The following TFCP2L1 variants were observed in gnomAD, a reference collection of about 807,000 sequenced individuals.
TFCP2L1 encodes transcription factor CP2-like protein 1.
In TFCP2L1, 12 loss-of-function variants were observed where a neutral mutation model predicts 72.2. That is an observed-to-expected ratio of 0.17 (90% CI 0.11 to 0.27). TFCP2L1 has a LOEUF of 0.27. Among genes scored for constraint, TFCP2L1 ranks in the 10% least tolerant of loss-of-function variants. TFCP2L1 has a pLI of 1.00. For missense variants in TFCP2L1, 488 were observed against 624.6 expected (o/e 0.78, Z 2.33); for synonymous variants, 260 against 251.0 (o/e 1.04, Z -0.34).
chr2:121,248,964 C>G lies in TFCP2L1; in HGVS notation c.397+18G>C, dbSNP rs775134225. 5 of 1,559,432 alleles carry G rather than the reference C, an allele frequency of 3.2e-6. No individual in the cohort carries two copies. Among genetic ancestry groups the G allele is most frequent in the Non-Finnish European group, 4.3e-6 (5 of 1,152,686 alleles). Reference sequence around the variant, plus strand: ...GTGCCTCGAGCCTTGCCTGGCCTCTCCTGGCCAGGAGACTCACCGATGTCC... The same window carrying G: ...GTGCCTCGAGCCTTGCCTGGCCTCTGCTGGCCAGGAGACTCACCGATGTCC... On this transcript the variant is annotated intron_variant, in intron 4 of 14. Coordinates refer to ENST00000263707, the MANE Select transcript of TFCP2L1 (RefSeq NM_014553.3).
At chr2:121,251,872 G>C (rs981462565) in intron 2 of TFCP2L1, among the ~76,000 whole-genome samples, 1 of 152,092 alleles carries the variant, frequency 6.6e-6, no homozygotes, top group African/African-American at 2.4e-5. Context: ...TACTCAATAA[G>C]GAAGAACTTT....
chr2:121,239,545 A>T lies in TFCP2L1; in HGVS notation c.860+13T>A, dbSNP rs1266517004. 1 of 1,613,608 alleles carries T rather than the reference A, an allele frequency of 6.2e-7. No individual in the cohort carries two copies. Among genetic ancestry groups the T allele is most frequent in the Admixed American group, 1.7e-5 (1 of 60,020 alleles). ...CATTTCAGGGAACCCGAAGAAAGAG[A>T]GGTGGGACGTACCCTTCGCCGAGGC... On this transcript the variant is annotated intron_variant, in intron 8 of 14. Coordinates refer to ENST00000263707, the MANE Select transcript of TFCP2L1 (RefSeq NM_014553.3).
chr2:121,253,661 T>C (rs1020616852), intron 2 of TFCP2L1, among the ~76,000 whole-genome samples: 2 of 152,188 alleles, frequency 1.3e-5, no homozygotes, highest in Non-Finnish European at 2.9e-5. Flanking sequence ...CCTCCTGTCC[T>C]GTAGAGAGCA....
chr2:121,255,286 C>T (rs1686692047), intron 2 of TFCP2L1, among the ~76,000 whole-genome samples: 1 of 152,074 alleles, frequency 6.6e-6, no homozygotes, highest in South Asian at 2.1e-4. Context: ...TTCCTACGTT[C>T]TTAACAATGA....
chr2:121,246,507 G>A (rs1686485581), intron 6 of TFCP2L1, among the ~76,000 whole-genome samples: 1 of 152,094 alleles, frequency 6.6e-6, no homozygotes, highest in Non-Finnish European at 1.5e-5. Flanking sequence ...AAGCTAAAAT[G>A]TGCAAATCCC....
rs534200252 is a variant in TFCP2L1, at chr2:121,270,782, T to C, written c.214+10338A>G. ...CTTTAGGAGGCTGAGGAGGGGAAAA[T>C]TGCTTGAGCCCAAGAGCTCTAGGCT... On this transcript the variant is annotated intron_variant, in intron 2 of 14. Coordinates refer to ENST00000263707, the MANE Select transcript of TFCP2L1 (RefSeq NM_014553.3). Among the ~76,000 whole-genome samples the C allele has an allele frequency of 8.8e-4, 133 of 151,892 alleles. 1 individual carries two copies. The highest frequency in any genetic ancestry group is 2.9e-3 in the African/African-American group (121 of 41,412).
rs1235570903 is a variant in TFCP2L1 at position 121,224,431 on chromosome 2, G to A, written c.1394-44C>T. 5.0e-6 allele frequency: 8 copies of A among 1,605,472 alleles called. No individual in the cohort carries two copies. In the South Asian group the frequency reaches 7.8e-5, roughly 16 times the overall value. ...GGGTGTATTTCACAGGAAAAAAGGTGCAGTGCCACAGTATTGGGGAGTCCC... is the reference window on the plus strand; with the variant it reads ...GGGTGTATTTCACAGGAAAAAAGGTACAGTGCCACAGTATTGGGGAGTCCC... On this transcript the variant is annotated intron_variant, in intron 14 of 14. Transcript: ENST00000263707.
Position 121,268,560 on chromosome 2 carries a change from A to G in TFCP2L1, c.214+12560T>C, listed in dbSNP as rs72963335. Among the ~76,000 whole-genome samples, 1,070 of 152,096 alleles carry G rather than the reference A, an allele frequency of 7.0e-3. 14 individuals carry two copies. The highest frequency in any genetic ancestry group is 0.024 in the African/African-American group (1,009 of 41,458). On this transcript the variant is annotated intron_variant, in intron 2 of 14. Coordinates refer to ENST00000263707, the MANE Select transcript of TFCP2L1 (RefSeq NM_014553.3). ...TATATGGCCAAAATAAAGTATCCCTATATGGCAAAAAAATACAACAAAAAT... is the reference window on the plus strand; with the variant it reads ...TATATGGCCAAAATAAAGTATCCCTGTATGGCAAAAAAATACAACAAAAAT...
chr2:121,225,731 G>A (rs1471784734), intron 13 of TFCP2L1, 118 bp from the exon 14 acceptor site: 15 of 1,050,786 alleles, frequency 1.4e-5, no homozygotes, highest in Middle Eastern at 4.1e-4. Flanking sequence ...CCACTGCCAC[G>A]GTGCCCACAC....
intron 8 of TFCP2L1, among the ~76,000 whole-genome samples, chr2:121,238,762 T>C (rs1040306669): frequency 1.3e-5 from 2 of 152,082 alleles, no homozygotes; most frequent in Non-Finnish European, 2.9e-5. Flanking sequence ...AAGGTACAGA[T>C]TGAAGACTAG....
In TFCP2L1 at chr2:121,221,746, T is replaced by C. The variant is rs1204259172; in HGVS notation, c.*2595A>G. On this transcript the variant is annotated 3_prime_UTR_variant, in exon 15 of 15. Coordinates refer to ENST00000263707, the MANE Select transcript of TFCP2L1 (RefSeq NM_014553.3). The stretch of plus-strand genomic sequence containing the variant: ...AGCACAAGTGACAATAGAAAAAAAA[T>C]ACGTATCTTGGAAATCATCAAAGTT... The C allele has an allele frequency of 2.0e-5, 3 of 152,018 alleles. No homozygotes were observed. Among genetic ancestry groups the C allele is most frequent in the Non-Finnish European group, 4.4e-5 (3 of 67,996 alleles). 9.4% of individuals were successfully genotyped at this position (152,018 alleles called of 1,614,324 possible).
intron 2 of TFCP2L1, among the ~76,000 whole-genome samples, chr2:121,272,446 T>C (rs1308453418): frequency 6.6e-6 from 1 of 152,172 alleles, no homozygotes; most frequent in African/African-American, 2.4e-5. Flanking sequence ...ACACCTTGCA[T>C]AGGAAATTCT....
In TFCP2L1 at chr2:121,237,699, A is replaced by G. The variant is rs759315624; in HGVS notation, c.927T>C (p.Ala309=). 2 of 1,614,198 alleles carry G rather than the reference A, an allele frequency of 1.2e-6. No homozygotes were observed. Among genetic ancestry groups the G allele is most frequent in the East Asian group, 2.2e-5 (1 of 44,882 alleles). The change falls in exon 10 of 15, where the codon GCT becomes GCC. Residue 309 remains alanine (A), a synonymous_variant. Coordinates refer to ENST00000263707, the MANE Select transcript of TFCP2L1 (RefSeq NM_014553.3). ...GCCACTGCTGGGCATCCTGGATCGA[A>G]GCTGATGGGAGCAGGTGCTGTGAGC... ...PVGSDHLLPS[A]SIQDAQQWLH...
At chr2:121,257,938 C>A (rs367543297) in intron 2 of TFCP2L1, among the ~76,000 whole-genome samples, 1 of 152,100 alleles carries the variant, frequency 6.6e-6, no homozygotes, top group Non-Finnish European at 1.5e-5. Flanking sequence ...AGAACCGGCC[C>A]GCCACCAGTT....
intron 2 of TFCP2L1, among the ~76,000 whole-genome samples, chr2:121,270,832 G>A (rs906691745): frequency 6.6e-6 from 1 of 151,492 alleles, no homozygotes. Context: ...TTGTGTCACT[G>A]CACTCCAGCC....
At chr2:121,255,612 G>C (rs867713788) in intron 2 of TFCP2L1, among the ~76,000 whole-genome samples, 1 of 152,212 alleles carries the variant, frequency 6.6e-6, no homozygotes, top group Non-Finnish European at 1.5e-5. Context: ...GTCTGACGCC[G>C]AAGGTGGAAC....
At chr2:121,241,002 C>T (rs573671387) in intron 7 of TFCP2L1, among the ~76,000 whole-genome samples, 11 of 152,330 alleles carry the variant, frequency 7.2e-5, no homozygotes, top group East Asian at 1.9e-4. Flanking sequence ...TTCTCTTAGA[C>T]GCCTCAAGCC....
chr2:121,268,733 A>G (rs1211770019), intron 2 of TFCP2L1, among the ~76,000 whole-genome samples: 1 of 151,216 alleles, frequency 6.6e-6, no homozygotes, highest in African/African-American at 2.4e-5. Context: ...TGTGCCACTC[A>G]GTTGTTAGGA....
intron 10 of TFCP2L1, 123 bp downstream of exon 10, chr2:121,237,500 A>G: frequency 8.8e-7 from 1 of 1,139,096 alleles, no homozygotes; most frequent in Admixed American, 1.9e-5. Flanking sequence ...AACCCACACT[A>G]TCTCGGGTCT....
Sources: allele counts gnomAD v4.1 joint callset (sites outside exome capture counted in the v4.1 genomes callset), GRCh38; gene constraint gnomAD v4.1.1; transcripts MANE v1.5; gene names NCBI Gene and HGNC (gene_info 2026-07-23, HGNC 2026-07-21).